Variants in PCDHGB1 observed in about 807,000 individuals in gnomAD.
PCDHGB1 encodes protocadherin gamma-B1.
PCDHGB1 carries 34 observed loss-of-function variants against 56.6 expected under a neutral mutation model. That is an observed-to-expected ratio of 0.60 (90% CI 0.46 to 0.80). PCDHGB1 has a LOEUF of 0.80. Among genes scored for constraint, PCDHGB1 ranks in the 30% least tolerant of loss-of-function variants. The pLI, the probability that PCDHGB1 is intolerant of heterozygous loss-of-function variation, is 0.00. For missense variants in PCDHGB1, 1,278 were observed against 1,204.6 expected, an observed-to-expected ratio of 1.06 and a Z score of -0.90; for synonymous variants, 561 against 505.9, an observed-to-expected ratio of 1.11 and a Z score of -1.46.
chr5:141,383,662 G>A (rs780831620), intron 1 of PCDHGB1: 10 of 1,614,042 alleles, frequency 6.2e-6, no homozygotes, highest in South Asian at 1.1e-5. Flanking sequence ...CCCCGAGAAT[G>A]TGCCAGTGGG....
At chr5:141,355,244 A>C in intron 1 of PCDHGB1, 1 of 1,613,114 alleles carries the variant, frequency 6.2e-7, no homozygotes, top group Non-Finnish European at 8.5e-7. Context: ...CGGCTGCTCC[A>C]GATCTGCCTT....
rs539348000 is a variant in PCDHGB1 at position 141,504,908 on chromosome 5, G to A, written c.2469-485G>A. 5.9e-5 allele frequency among the ~76,000 whole-genome samples: 9 copies of A among 152,208 alleles called. No homozygotes were observed. In the East Asian group the frequency reaches 1.7e-3, roughly 29 times the overall value. On this transcript the variant is annotated intron_variant, in intron 2 of 3. Coordinates refer to ENST00000523390, the MANE Select transcript of PCDHGB1 (RefSeq NM_018922.3). Reference sequence around the variant, plus strand: ...AGGTCTGATCTCCCTCACTATGACAGGAAGCCAGGCTCTCTCATGGTGGGT... The same window carrying A: ...AGGTCTGATCTCCCTCACTATGACAAGAAGCCAGGCTCTCTCATGGTGGGT...
Position 141,476,511 on chromosome 5 carries a change from A to G in PCDHGB1, c.2410-18296A>G, listed in dbSNP as rs1562054650. Reference sequence around the variant, plus strand: ...GTGATCCAGGACATCAACGACAACAATCCTGCTTTCCCTACCCAGGAAATG... The same window carrying G: ...GTGATCCAGGACATCAACGACAACAGTCCTGCTTTCCCTACCCAGGAAATG... On this transcript the variant is annotated intron_variant, in intron 1 of 3. Transcript: ENST00000523390. The surrounding 1 kb of genome is among the most constrained non-coding windows in gnomAD (Gnocchi z 7.6). The G allele has an allele frequency of 5.0e-6, 8 of 1,613,902 alleles. No individual in the cohort carries two copies. The highest frequency in any genetic ancestry group is 6.8e-6 in the Non-Finnish European group (8 of 1,179,960).
intron 1 of PCDHGB1, among the ~76,000 whole-genome samples, chr5:141,373,419 A>G (rs562017784): frequency 6.6e-6 from 1 of 152,336 alleles, no homozygotes; most frequent in African/African-American, 2.4e-5. Flanking sequence ...GCTACTCGGG[A>G]GGCTGAGGTG....
intron 1 of PCDHGB1, chr5:141,408,686 A>G (rs2095150873): frequency 6.2e-7 from 1 of 1,613,848 alleles, no homozygotes; most frequent in Non-Finnish European, 8.5e-7. Flanking sequence ...GGATCCTGAT[A>G]TAAACATAAA....
chr5:141,451,182 C>T (rs2154563496), intron 1 of PCDHGB1, among the ~76,000 whole-genome samples: 1 of 152,226 alleles, frequency 6.6e-6, no homozygotes, highest in Non-Finnish European at 1.5e-5. Flanking sequence ...TTAGCCATTG[C>T]TGTGTAACAA....
intron 2 of PCDHGB1, among the ~76,000 whole-genome samples, chr5:141,495,119 C>T (rs1024197360): frequency 3.9e-5 from 6 of 152,182 alleles, no homozygotes; most frequent in African/African-American, 1.4e-4. Context: ...CTTTTCCTAT[C>T]CCCTGAGGGC....
Position 141,383,223 on chromosome 5 carries a change from C to T in PCDHGB1, c.2409+30554C>T, listed in dbSNP as rs76873890. The T allele has an allele frequency of 1.7e-3, 2,674 of 1,613,922 alleles. 41 individuals are homozygous for T. In the African/African-American group the frequency reaches 0.031, roughly 19 times the overall value. Reference sequence around the variant, plus strand: ...CGCGGTGTCTGGTAAACTTTAACATCCTGATGGAAGATAAAATGAATCTTT... The same window carrying T: ...CGCGGTGTCTGGTAAACTTTAACATTCTGATGGAAGATAAAATGAATCTTT... On this transcript the variant is annotated intron_variant, in intron 1 of 3. Transcript: ENST00000523390.
Position 141,431,789 on chromosome 5 carries a change from G to A in PCDHGB1, c.2410-63018G>A, listed in dbSNP as rs760507500. On this transcript the variant is annotated intron_variant, in intron 1 of 3. Coordinates refer to ENST00000523390, the MANE Select transcript of PCDHGB1 (RefSeq NM_018922.3). This position sits in a 1 kb window ranked among gnomAD's most constrained non-coding sequence, Gnocchi z 4.8. ...CACTGTTCTGGACGTGAACGACAATGCCCCAGAAGTGGTCCTCACCTCTCT... is the reference window on the plus strand; with the variant it reads ...CACTGTTCTGGACGTGAACGACAATACCCCAGAAGTGGTCCTCACCTCTCT... 7.4e-6 allele frequency: 12 copies of A among 1,614,096 alleles called. No homozygotes were observed. The highest frequency in any genetic ancestry group is 5.9e-6 in the Non-Finnish European group (7 of 1,180,042).
At chr5:141,398,759 T>A (rs1313274991) in intron 1 of PCDHGB1, 2 of 1,613,904 alleles carry the variant, frequency 1.2e-6, no homozygotes, top group Non-Finnish European at 1.7e-6. Context: ...CATCGTTTAG[T>A]CCTGACTGCC....
chr5:141,420,199 C>T (rs764130526), intron 1 of PCDHGB1: 12 of 1,613,362 alleles, frequency 7.4e-6, no homozygotes, highest in Non-Finnish European at 1.0e-5. Context: ...CACAAGATAA[C>T]CTCAACAAAG....
In PCDHGB1 at chr5:141,423,241, G is replaced by T. The variant is rs1485226833; in HGVS notation, c.2409+70572G>T. The T allele has an allele frequency of 6.8e-6, 11 of 1,613,836 alleles. No individual in the cohort carries two copies. The Admixed American group carries it at 1.5e-4, about 22-fold the overall frequency. On this transcript the variant is annotated intron_variant, in intron 1 of 3. Transcript: ENST00000523390. ...GGCTGTGGCCGACAGCATCCCCGAAGTCCTGGCGGACCTCGGCAGCCTCGA... is the reference window on the plus strand; with the variant it reads ...GGCTGTGGCCGACAGCATCCCCGAATTCCTGGCGGACCTCGGCAGCCTCGA...
chr5:141,409,480 C>G, intron 1 of PCDHGB1: 1 of 1,614,002 alleles, frequency 6.2e-7, no homozygotes, highest in Non-Finnish European at 8.5e-7. Context: ...TAGCCACTGA[C>G]AGGGGCAAGC....
Position 141,415,396 on chromosome 5 carries a change from G to A in PCDHGB1, c.2409+62727G>A, listed in dbSNP as rs11575962. 4,865 of 1,614,204 alleles carry A rather than the reference G, an allele frequency of 3.0e-3. 27 individuals are homozygous for A. The highest frequency in any genetic ancestry group is 0.011 in the Admixed American group (656 of 60,024). ...AGGAGGCGGCTTGACAGGTGTGTCC[G>A]GCTCGCACTTTGTGGGCGTGGACGG... On this transcript the variant is annotated intron_variant, in intron 1 of 3. Coordinates refer to ENST00000523390, the MANE Select transcript of PCDHGB1 (RefSeq NM_018922.3).
intron 1 of PCDHGB1, chr5:141,372,333 C>G: frequency 6.2e-7 from 1 of 1,613,732 alleles, no homozygotes; most frequent in Non-Finnish European, 8.5e-7. Context: ...GGTCACTGTG[C>G]GTGATGGAGG....
At chr5:141,355,411 A>AG (rs1229708601) in intron 1 of PCDHGB1, 1 of 1,613,986 alleles carries the variant, frequency 6.2e-7, no homozygotes, top group Non-Finnish European at 8.5e-7. Flanking sequence ...CTCCAGAGGT[A>AG]GGACGCAGCT....
At position 141,486,108 on chromosome 5, in the gene PCDHGB1, G is replaced by A. The variant is rs1184123075; in HGVS notation, c.2410-8699G>A. ...CTTTTGGGGCCCCTAGACTTTGAGA[G>A]TGAGAATTACTATGAATTTGATGTG... On this transcript the variant is annotated intron_variant, in intron 1 of 3. Coordinates refer to ENST00000523390, the MANE Select transcript of PCDHGB1 (RefSeq NM_018922.3). The surrounding 1 kb of genome is among the most constrained non-coding windows in gnomAD (Gnocchi z 5.0). 6 of 1,614,206 alleles carry A rather than the reference G, an allele frequency of 3.7e-6. No individual in the cohort carries two copies. Among genetic ancestry groups the A allele is most frequent in the South Asian group, 3.3e-5 (3 of 91,084 alleles).
chr5:141,460,987 A>G (rs201722325), intron 1 of PCDHGB1, among the ~76,000 whole-genome samples: 34 of 92,988 alleles, frequency 3.7e-4, no homozygotes, highest in Middle Eastern at 5.0e-3. Flanking sequence ...GTGTGTGTAT[A>G]TATATATATG....
At chr5:141,383,712 G>A (rs895145051) in intron 1 of PCDHGB1, 2 of 1,613,970 alleles carry the variant, frequency 1.2e-6, no homozygotes, top group African/African-American at 2.7e-5. Flanking sequence ...ACCTGGACGA[G>A]GGAGTCAATG....
Sources: gnomAD v4.1 joint callset for allele counts (sites outside exome capture counted in the v4.1 genomes callset) on GRCh38, gnomAD v4.1.1 for gene constraint, Gnocchi (gnomAD v3.1) non-coding constraint, MANE v1.5 for transcripts, NCBI Gene and HGNC (gene_info 2026-07-23, HGNC 2026-07-21) for gene names.